GAREM1: variants seen among roughly 807,000 people sequenced by gnomAD.
GAREM1 encodes the protein GRB2-associated and regulator of MAPK protein 1.
A neutral mutation model predicts 71.3 loss-of-function variants in GAREM1; 26 were observed. The observed-to-expected ratio is 0.36, with a 90% CI of 0.27 to 0.51. The LOEUF (loss-of-function observed/expected upper bound fraction) is 0.51, where lower values mean the gene tolerates loss of function less well. GAREM1 is among the 20% of genes least tolerant of loss of function. GAREM1 has a pLI of 0.95. For missense variants in GAREM1, 1,026 were observed against 1,103.1 expected, an observed-to-expected ratio of 0.93 and a Z score of 0.99; for synonymous variants, 440 against 433.2, an observed-to-expected ratio of 1.02 and a Z score of -0.20.
At chr18:32,386,172 T>C (rs774528828) in intron 2 of GAREM1, among the ~76,000 whole-genome samples, 1 of 152,216 alleles carries the variant, frequency 6.6e-6, no homozygotes, top group Admixed American at 6.5e-5. Flanking sequence ...ACACAAAGTG[T>C]TGTTCAACAC....
chr18:32,398,803 C>T (rs1435278792), intron 1 of GAREM1, among the ~76,000 whole-genome samples: 6 of 152,268 alleles, frequency 3.9e-5, no homozygotes, highest in African/African-American at 1.4e-4. Flanking sequence ...GGGAATCCTC[C>T]CTAACTCATT....
At chr18:32,389,531 T>G (rs1174262711) in intron 2 of GAREM1, among the ~76,000 whole-genome samples, 5 of 152,156 alleles carry the variant, frequency 3.3e-5, no homozygotes. Context: ...GAAATCAAAC[T>G]TGGTTGTTTG....
chr18:32,304,474 T>C (rs2047231038), intron 3 of GAREM1, among the ~76,000 whole-genome samples: 2 of 152,190 alleles, frequency 1.3e-5, no homozygotes, highest in South Asian at 2.1e-4. Flanking sequence ...AAGATGGTAA[T>C]AATTTTAGGC....
chr18:32,394,926 G>A (rs1199424974), intron 1 of GAREM1, among the ~76,000 whole-genome samples: 1 of 152,176 alleles, frequency 6.6e-6, no homozygotes, highest in Non-Finnish European at 1.5e-5. Flanking sequence ...GAGTGGATGT[G>A]GAGACACACA....
intron 4 of GAREM1, among the ~76,000 whole-genome samples, chr18:32,282,207 G>A (rs560696702): frequency 2.0e-5 from 3 of 152,208 alleles, no homozygotes; most frequent in African/African-American, 7.2e-5. Flanking sequence ...TCACACGGAC[G>A]TGCATGAAAA....
intron 2 of GAREM1, among the ~76,000 whole-genome samples, chr18:32,361,471 A>G (rs2047864857): frequency 6.6e-6 from 1 of 152,254 alleles, no homozygotes; most frequent in Non-Finnish European, 1.5e-5. Flanking sequence ...TTACTTCTGA[A>G]CAACTGGATC....
intron 4 of GAREM1, among the ~76,000 whole-genome samples, chr18:32,280,135 T>G (rs1234825778): frequency 6.6e-6 from 1 of 152,212 alleles, no homozygotes; most frequent in Non-Finnish European, 1.5e-5. Context: ...AGCTTAAATA[T>G]TAATACATCA....
chr18:32,278,331 G>A (rs906311676), intron 4 of GAREM1, among the ~76,000 whole-genome samples: 1 of 152,150 alleles, frequency 6.6e-6, no homozygotes, highest in African/African-American at 2.4e-5. Context: ...AGGGGCGTGG[G>A]GGAGAGAGTA....
chr18:32,356,427 T>G (rs1440653309), intron 2 of GAREM1, among the ~76,000 whole-genome samples: 1 of 152,208 alleles, frequency 6.6e-6, no homozygotes, highest in Non-Finnish European at 1.5e-5. Context: ...TTAGCTCCTC[T>G]CTTTGATTCT....
chr18:32,379,383 C>T (rs149384003), intron 2 of GAREM1, among the ~76,000 whole-genome samples: 130 of 145,608 alleles, frequency 8.9e-4, no homozygotes, highest in African/African-American at 2.5e-3. Flanking sequence ...CTTTCTATGA[C>T]GTTGCCCAAA....
intron 2 of GAREM1, among the ~76,000 whole-genome samples, chr18:32,332,415 C>A (rs902270978): frequency 6.6e-6 from 1 of 152,022 alleles, no homozygotes; most frequent in African/African-American, 2.4e-5. Context: ...TATACACTTT[C>A]TACAACCAGT....
chr18:32,355,718 G>C (rs1295553138), intron 2 of GAREM1, among the ~76,000 whole-genome samples: 1 of 152,126 alleles, frequency 6.6e-6, no homozygotes, highest in African/African-American at 2.4e-5. Context: ...GAAAGAACAA[G>C]AGTATGTTGA....
At position 32,453,806 on chromosome 18, in the gene GAREM1, C is replaced by T. The variant is rs2048863864; in HGVS notation, c.121+16502G>A. On this transcript the variant is annotated intron_variant, in intron 1 of 5. Transcript: ENST00000269209. ...TCAACTACACTATGTGTGCACATGC[C>T]TGTGTGCATGTGTGTTGTATATTGT... is the stretch of plus-strand genomic sequence containing the variant. Among the ~76,000 whole-genome samples the T allele has an allele frequency of 1.3e-5, 2 of 152,114 alleles. 1 individual carries two copies. Among genetic ancestry groups the T allele is most frequent in the South Asian group, 4.1e-4 (2 of 4,824 alleles).
Position 32,265,733 on chromosome 18 carries a change from TTA to T in GAREM1, c.*2136_*2137del, listed in dbSNP as rs1285616531. 1.3e-5 allele frequency: 2 copies of T among 152,212 alleles called. No individual in the cohort carries two copies. The highest frequency in any genetic ancestry group is 4.8e-5 in the African/African-American group (2 of 41,452). 9.4% of individuals were successfully genotyped at this position (152,212 alleles called of 1,614,324 possible). ...AAAAACGCTAAAAGGAGTCAGTTGTTTATGTGAGGCAACCTTTATAGTAAACC... is the reference window on the plus strand; with the variant it reads ...AAAAACGCTAAAAGGAGTCAGTTGTTTGTGAGGCAACCTTTATAGTAAACC... On this transcript the variant is annotated 3_prime_UTR_variant, in exon 6 of 6. Coordinates refer to ENST00000269209, the MANE Select transcript of GAREM1 (RefSeq NM_001242409.2).
rs769118707 is a variant in GAREM1, at chr18:32,287,739, C to G, written c.858G>C (p.Val286=). The change falls in exon 4 of 6, where the codon GTG becomes GTC. Residue 286 remains valine (V), a synonymous_variant. Coordinates refer to ENST00000269209, the MANE Select transcript of GAREM1 (RefSeq NM_001242409.2). This position sits in a 1 kb window ranked among gnomAD's most constrained non-coding sequence, Gnocchi z 5.9. ...IQTKTVVVCC[V]LRNNKILPMH... is the part of the protein sequence containing the mutation. ...TGGGGAGGATCTTGTTGTTCCGCAG[C>G]ACACAGCAAACCACCACCGTCTTGG... is the stretch of plus-strand genomic sequence containing the variant. 6 of 1,613,764 alleles carry G rather than the reference C, an allele frequency of 3.7e-6. No individual in the cohort carries two copies. In the African/African-American group the frequency reaches 5.3e-5, roughly 14 times the overall value.
chr18:32,383,942 T>C (rs1423669482), intron 2 of GAREM1, among the ~76,000 whole-genome samples: 1 of 152,206 alleles, frequency 6.6e-6, no homozygotes, highest in Non-Finnish European at 1.5e-5. Flanking sequence ...AGAGCTTTAC[T>C]AGCATTTATA....
chr18:32,374,409 C>T (rs565203761), intron 2 of GAREM1, among the ~76,000 whole-genome samples: 2 of 152,318 alleles, frequency 1.3e-5, no homozygotes, highest in South Asian at 4.1e-4. Flanking sequence ...AAGTTTTGCT[C>T]TCCTTGTCAG....
Position 32,274,471 on chromosome 18 carries a change from T to C in GAREM1, c.1567-4088A>G, listed in dbSNP as rs1476617614. On this transcript the variant is annotated intron_variant, in intron 4 of 5. Coordinates refer to ENST00000269209, the MANE Select transcript of GAREM1 (RefSeq NM_001242409.2). ...TGTAACATTTTCAGCACATCCCTTC[T>C]GGAAGCCTCAGCATGTGGCTCTCAT... Among the ~76,000 whole-genome samples the C allele has an allele frequency of 2.0e-5, 3 of 152,200 alleles. No homozygotes were observed. In the East Asian group the frequency reaches 5.8e-4, roughly 29 times the overall value.
chr18:32,310,343 GAA>G lies in GAREM1; in HGVS notation c.263-22_263-21del, dbSNP rs1277833429. 1 of 1,613,204 alleles carries G rather than the reference GAA, an allele frequency of 6.2e-7. No homozygotes were observed. Among genetic ancestry groups the G allele is most frequent in the African/African-American group, 1.3e-5 (1 of 74,860 alleles). On this transcript the variant is annotated intron_variant, in intron 2 of 5. Transcript: ENST00000269209. ...ATTGCCCTAAAACACAGGATAAACA[GAA>G]GAGATCTAAGATGTTTATGCTGGAC...
Sources: allele counts gnomAD v4.1 joint callset (sites outside exome capture counted in the v4.1 genomes callset), GRCh38; gene constraint gnomAD v4.1.1; non-coding constraint Gnocchi (gnomAD v3.1); transcripts MANE v1.5; gene names NCBI Gene and HGNC (gene_info 2026-07-23, HGNC 2026-07-21).